WWOX: variants seen among roughly 807,000 people sequenced by gnomAD.
WWOX encodes WW domain containing oxidoreductase.
Under a neutral mutation model 46.2 loss-of-function variants are expected in WWOX, and 69 were observed. The observed-to-expected ratio is 1.49, with a 90% CI of 1.23 to 1.82. WWOX has a LOEUF of 1.82. WWOX is among the 40% of genes most tolerant of loss of function. The pLI is 0.00. For missense variants in WWOX, 919 were observed against 542.6 expected (o/e 1.69, Z -6.89); for synonymous variants, 359 against 202.6 (o/e 1.77, Z -6.56).
chr16:78,526,170 C>A (rs1333532183), intron 8 of WWOX: 1 of 152,204 alleles, frequency 6.6e-6, no homozygotes, highest in African/African-American at 2.4e-5. Context: ...GGAAGGGCTT[C>A]AGTTTCACCA....
intron 8 of WWOX, among the ~76,000 whole-genome samples, chr16:79,187,469 C>T (rs902300257): frequency 6.6e-6 from 1 of 152,200 alleles, no homozygotes; most frequent in Non-Finnish European, 1.5e-5. Context: ...GGCGTGATCT[C>T]TGCTGACTGC....
chr16:78,559,210 G>A (rs572664076), intron 8 of WWOX, among the ~76,000 whole-genome samples: 10 of 152,302 alleles, frequency 6.6e-5, no homozygotes, highest in South Asian at 2.1e-4. Context: ...CACTGGGAGC[G>A]TTTATGAATG....
intron 8 of WWOX, among the ~76,000 whole-genome samples, chr16:78,994,740 A>G (rs911123888): frequency 6.6e-6 from 1 of 152,028 alleles, no homozygotes; most frequent in African/African-American, 2.4e-5. Context: ...AGTTAATGGC[A>G]GGGAAACGAA....
At chr16:78,446,433 C>A (rs146230966) in intron 8 of WWOX, among the ~76,000 whole-genome samples, 1 of 152,242 alleles carries the variant, frequency 6.6e-6, no homozygotes, top group African/African-American at 2.4e-5. Context: ...GCGGTTGTTG[C>A]AAGGACTAAA....
rs568460878 is a variant in WWOX, at chr16:78,128,363, T to C, written c.409+13209T>C. Among the ~76,000 whole-genome samples, 38 of 151,932 alleles carry C rather than the reference T, an allele frequency of 2.5e-4. No individual in the cohort carries two copies. In the South Asian group the frequency reaches 7.9e-3, roughly 31 times the overall value. On this transcript the variant is annotated intron_variant, in intron 4 of 8. Transcript: ENST00000566780. ...ATTTAAAGTTGACAGGCTCTGACTC[T>C]AGCCAGATATTCAGGAGCAGAAACT... is the stretch of plus-strand genomic sequence containing the variant.
intron 8 of WWOX, among the ~76,000 whole-genome samples, chr16:78,811,176 G>T (rs1273806198): frequency 2.0e-5 from 3 of 152,174 alleles, no homozygotes; most frequent in Admixed American, 2.0e-4. Context: ...AAAACAATCA[G>T]TGTTTTGTGA....
chr16:78,537,850 G>C (rs2043796461), intron 8 of WWOX, among the ~76,000 whole-genome samples: 1 of 152,128 alleles, frequency 6.6e-6, no homozygotes, highest in African/African-American at 2.4e-5. Context: ...GTGCCACCCG[G>C]CAGTGGAAAA....
chr16:78,880,796 A>T (rs906082797), intron 8 of WWOX, among the ~76,000 whole-genome samples: 1 of 152,140 alleles, frequency 6.6e-6, no homozygotes, highest in Non-Finnish European at 1.5e-5. Flanking sequence ...TGGAAAGACA[A>T]TGTGTTTTCC....
chr16:78,674,801 A>G (rs17795223), intron 8 of WWOX, among the ~76,000 whole-genome samples: 4,350 of 151,704 alleles, frequency 0.029, 67 homozygotes, highest in East Asian at 0.072. Flanking sequence ...ATTTTTAAAC[A>G]ATTACTGTAT....
At chr16:78,333,981 C>T (rs186551340) in intron 5 of WWOX, among the ~76,000 whole-genome samples, 1 of 152,240 alleles carries the variant, frequency 6.6e-6, no homozygotes, top group East Asian at 1.9e-4. Flanking sequence ...ATGTACTTTG[C>T]ATATCAGCCT....
At chr16:78,617,024 G>A (rs2151638149) in intron 8 of WWOX, among the ~76,000 whole-genome samples, 1 of 152,282 alleles carries the variant, frequency 6.6e-6, no homozygotes, top group Admixed American at 6.5e-5. Context: ...GGTGATTTTG[G>A]CAGCCTTGCC....
intron 8 of WWOX, among the ~76,000 whole-genome samples, chr16:78,849,603 A>G (rs1287772507): frequency 1.3e-5 from 2 of 148,226 alleles, no homozygotes; most frequent in African/African-American, 5.0e-5. Flanking sequence ...GAAAACAACT[A>G]CAACCACATT....
intron 8 of WWOX, among the ~76,000 whole-genome samples, chr16:78,544,137 A>G (rs1282050071): frequency 1.3e-5 from 2 of 152,194 alleles, no homozygotes; most frequent in Non-Finnish European, 2.9e-5. Context: ...ATTGGCCAAG[A>G]TCTAGCATAA....
rs143772145 is a variant in WWOX, at chr16:78,472,313, C to T, written c.1056+39561C>T. ...AGCCTCTTATCTCATAAGCCAAATG[C>T]TGCATATTCCAAGCCTGTCAATTCT... On this transcript the variant is annotated intron_variant, in intron 8 of 8. Coordinates refer to ENST00000566780, the MANE Select transcript of WWOX (RefSeq NM_016373.4). Among the ~76,000 whole-genome samples, 1,243 of 152,202 alleles carry T rather than the reference C, an allele frequency of 8.2e-3. 15 individuals are homozygous for T. Among genetic ancestry groups the T allele is most frequent in the Non-Finnish European group, 8.9e-3 (607 of 68,026 alleles).
chr16:78,774,065 C>G (rs558262434), intron 8 of WWOX, among the ~76,000 whole-genome samples: 1 of 152,112 alleles, frequency 6.6e-6, no homozygotes, highest in Non-Finnish European at 1.5e-5. Context: ...TTGAAGGAAG[C>G]CCGTCTAGGT....
intron 8 of WWOX, among the ~76,000 whole-genome samples, chr16:78,466,947 TAAAG>T (rs2084093820): frequency 1.2e-5 from 1 of 86,092 alleles, no homozygotes; most frequent in South Asian, 4.5e-4. Context: ...TAATGCCCAG[TAAAG>T]TAAACAGATC....
Position 78,859,636 on chromosome 16 carries a change from C to G in WWOX, c.1057-351972C>G, listed in dbSNP as rs938842173. On this transcript the variant is annotated intron_variant, in intron 8 of 8. Transcript: ENST00000566780. ...ATTTTATGTGTCAGTCCCTAAAACT[C>G]ATGATCTTCTGTGATTCTCTTGGTT... Among the ~76,000 whole-genome samples, 7 of 152,190 alleles carry G rather than the reference C, an allele frequency of 4.6e-5. No individual in the cohort carries two copies. In the East Asian group the frequency reaches 1.4e-3, roughly 29 times the overall value.
chr16:78,453,815 G>T (rs56953982), intron 8 of WWOX, among the ~76,000 whole-genome samples: 1 of 151,436 alleles, frequency 6.6e-6, no homozygotes, highest in African/African-American at 2.4e-5. Context: ...TTTATTGAAA[G>T]CCTTTTTACC....
intron 8 of WWOX, among the ~76,000 whole-genome samples, chr16:78,881,806 A>G (rs1482537822): frequency 2.0e-5 from 3 of 152,180 alleles, no homozygotes; most frequent in Non-Finnish European, 4.4e-5. Flanking sequence ...TTTTATGGAT[A>G]TAGGCATTTT....
Sources: gnomAD v4.1 joint callset for allele counts (sites outside exome capture counted in the v4.1 genomes callset) on GRCh38, gnomAD v4.1.1 for gene constraint, MANE v1.5 for transcripts, NCBI Gene and HGNC (gene_info 2026-07-23, HGNC 2026-07-21) for gene names.